Variants in ACCSL observed in about 807,000 individuals in gnomAD.
ACCSL encodes probable inactive 1-aminocyclopropane-1-carboxylate synthase-like protein 2.
In ACCSL, 55 loss-of-function variants were observed where a neutral mutation model predicts 61.7. That is an observed-to-expected ratio of 0.89 (90% CI 0.72 to 1.12). The LOEUF (loss-of-function observed/expected upper bound fraction) is 1.12, where lower values mean the gene tolerates loss of function less well. ACCSL is among the 50% of genes most tolerant of loss of function. The pLI is 0.00. For missense variants in ACCSL, 632 were observed against 698.0 expected, an observed-to-expected ratio of 0.91 and a Z score of 1.07; for synonymous variants, 258 against 264.3, an observed-to-expected ratio of 0.98 and a Z score of 0.23.
the ACCSL span, among the ~76,000 whole-genome samples, chr11:43,957,812 G>C: frequency 1.3e-5 from 2 of 152,324 alleles, no homozygotes; most frequent in East Asian, 3.9e-4. Context: ...TCCAAAGGGA[G>C]GGGGTGTAAC....
At chr11:44,020,044 T>C in the ACCSL span, among the ~76,000 whole-genome samples, 1 of 152,230 alleles carries the variant, frequency 6.6e-6, no homozygotes, top group Admixed American at 6.5e-5. Context: ...GCACCCTTGT[T>C]GAAAATCAAT....
At chr11:43,921,832 T>C in the ACCSL span, among the ~76,000 whole-genome samples, 1 of 152,248 alleles carries the variant, frequency 6.6e-6, no homozygotes, top group South Asian at 2.1e-4. Context: ...TTTTTCTTGC[T>C]GTCACTCCAG....
the ACCSL span, among the ~76,000 whole-genome samples, chr11:44,031,975 A>C: frequency 6.6e-6 from 1 of 152,230 alleles, no homozygotes; most frequent in Non-Finnish European, 1.5e-5. Flanking sequence ...AGCTCTCTGA[A>C]TCTCAGAGTC....
intron 11 of ACCSL, among the ~76,000 whole-genome samples, chr11:44,058,041 C>T (rs767781134): frequency 4.6e-5 from 7 of 152,282 alleles, no homozygotes; most frequent in African/African-American, 1.2e-4. Context: ...GGTGTGGTGG[C>T]GTACGCCTGT....
the ACCSL span, among the ~76,000 whole-genome samples, chr11:44,020,775 C>G: frequency 6.6e-6 from 1 of 151,924 alleles, no homozygotes; most frequent in South Asian, 2.1e-4. Context: ...TATTCCTCAC[C>G]CCCCTCCCAC....
chr11:43,994,223 T>G, the ACCSL span, among the ~76,000 whole-genome samples: 1 of 152,250 alleles, frequency 6.6e-6, no homozygotes, highest in Non-Finnish European at 1.5e-5. Flanking sequence ...TAGATCAGTC[T>G]CTTTGGTTTA....
At chr11:44,046,355 T>A (rs1952597167), upstream of ACCSL, among the ~76,000 whole-genome samples, 1 of 152,250 alleles carries the variant, frequency 6.6e-6, no homozygotes, top group Non-Finnish European at 1.5e-5. Context: ...CCATCTTCCA[T>A]GGCCAAAGTC....
At chr11:44,009,159 C>T in the ACCSL span, among the ~76,000 whole-genome samples, 5 of 152,110 alleles carry the variant, frequency 3.3e-5, no homozygotes, top group Non-Finnish European at 7.4e-5. Context: ...CAGCGGGAGA[C>T]CCTGTCTCAA....
At chr11:44,032,478 G>A in the ACCSL span, among the ~76,000 whole-genome samples, 1 of 152,228 alleles carries the variant, frequency 6.6e-6, no homozygotes, top group African/African-American at 2.4e-5. Flanking sequence ...GCTGCAGGGT[G>A]CGGGGAGGAG....
At chr11:44,002,228 G>A in the ACCSL span, among the ~76,000 whole-genome samples, 1 of 152,056 alleles carries the variant, frequency 6.6e-6, no homozygotes, top group East Asian at 1.9e-4. Context: ...CAGGAGAAGG[G>A]GTGGGTTTGA....
the ACCSL span, among the ~76,000 whole-genome samples, chr11:44,040,100 T>C: frequency 6.6e-6 from 1 of 152,246 alleles, no homozygotes; most frequent in Non-Finnish European, 1.5e-5. Flanking sequence ...GTCTCCTTCC[T>C]GATCTTTCTT....
At chr11:43,983,294 A>G in the ACCSL span, among the ~76,000 whole-genome samples, 20 of 152,332 alleles carry the variant, frequency 1.3e-4, no homozygotes, top group Non-Finnish European at 2.2e-4. Context: ...ATTAGAGAAA[A>G]CAGGAGACCA....
the ACCSL span, among the ~76,000 whole-genome samples, chr11:43,964,587 A>G: frequency 6.6e-6 from 1 of 152,138 alleles, no homozygotes; most frequent in Non-Finnish European, 1.5e-5. Context: ...AAAGGAGGGA[A>G]CACTTTCCGA....
In ACCSL at chr11:44,055,359, G is replaced by A; in HGVS notation, c.1139+68G>A. 9 of 1,306,448 alleles carry A rather than the reference G, an allele frequency of 6.9e-6. No individual in the cohort carries two copies. In the South Asian group the frequency reaches 1.1e-4, roughly 16 times the overall value. The allele number at this position is 1,306,448 out of a possible 1,614,324, so 80.9% of individuals were successfully genotyped here. A position where few individuals can be genotyped will look rare whatever the true frequency, so the allele number is the denominator to read the frequency against. On this transcript the variant is annotated intron_variant, in intron 9 of 13. Transcript: ENST00000378832. ...TTCTTGTTTTGCAGGGTGAGTTTATGTGACATGAACTTAACTCAGTTCCTA... is the reference window on the plus strand; with the variant it reads ...TTCTTGTTTTGCAGGGTGAGTTTATATGACATGAACTTAACTCAGTTCCTA...
At chr11:43,942,164 TCAGG>T in the ACCSL span, 1 of 152,772 alleles carries the variant, frequency 6.5e-6, no homozygotes, top group Non-Finnish European at 1.5e-5. Flanking sequence ...AGCCGGGCGC[TCAGG>T]CTCGCCAGGC....
At chr11:43,955,190 A>G in the ACCSL span, among the ~76,000 whole-genome samples, 2 of 151,794 alleles carry the variant, frequency 1.3e-5, no homozygotes, top group African/African-American at 4.8e-5. Context: ...AATTTTCTGC[A>G]CCTCCCTTGG....
the ACCSL span, among the ~76,000 whole-genome samples, chr11:44,019,838 G>A: frequency 3.3e-5 from 5 of 152,046 alleles, no homozygotes; most frequent in African/African-American, 9.7e-5. Flanking sequence ...CCAAGCTCAC[G>A]AAAATCTACT....
At chr11:44,021,583 T>C in the ACCSL span, among the ~76,000 whole-genome samples, 2 of 152,208 alleles carry the variant, frequency 1.3e-5, no homozygotes, top group African/African-American at 4.8e-5. Context: ...TTTACTCTGC[T>C]GATTATTTCT....
chr11:44,002,785 C>A, the ACCSL span, among the ~76,000 whole-genome samples: 1 of 152,148 alleles, frequency 6.6e-6, no homozygotes, highest in Non-Finnish European at 1.5e-5. Flanking sequence ...GTTACCCTAG[C>A]TAGGAGTGAT....
Sources: gnomAD v4.1 joint callset for allele counts (sites outside exome capture counted in the v4.1 genomes callset) on GRCh38, gnomAD v4.1.1 for gene constraint, MANE v1.5 for transcripts, NCBI Gene and HGNC (gene_info 2026-07-23, HGNC 2026-07-21) for gene names.